Variants in TSPEAR observed in about 807,000 individuals in gnomAD.
TSPEAR encodes the protein thrombospondin type laminin G domain and EAR repeats, also known as thrombospondin-type laminin G domain and EAR repeat-containing protein.
Under a neutral mutation model 71.6 loss-of-function variants are expected in TSPEAR, and 69 were observed. The ratio of observed to expected loss-of-function variants is 0.96; its 90% CI spans 0.79 to 1.18. The LOEUF (loss-of-function observed/expected upper bound fraction) is 1.18, where lower values mean the gene tolerates loss of function less well. TSPEAR is among the 50% of genes most tolerant of loss of function. The pLI is 0.00. For synonymous variants in TSPEAR, 402 were observed against 387.2 expected (o/e 1.04, Z -0.45); for missense variants, 971 against 894.9 (o/e 1.09, Z -1.09).
chr21:44,601,669 T>A, intron 1 of TSPEAR: 12 of 1,613,030 alleles, frequency 7.4e-6, no homozygotes, highest in Non-Finnish European at 1.0e-5. Flanking sequence ...GTCTCTCCTT[T>A]GCCGCCCCGC....
chr21:44,558,046 C>A, intron 2 of TSPEAR: 1 of 1,598,678 alleles, frequency 6.3e-7, no homozygotes, highest in Non-Finnish European at 8.5e-7. Context: ...ACGGGACCTG[C>A]CCGTCAGCAG....
At chr21:44,519,955 C>A (rs2052697926) in intron 9 of TSPEAR, 1 of 152,346 alleles carries the variant, frequency 6.6e-6, no homozygotes, top group Admixed American at 6.5e-5. Context: ...TTACCAAGGC[C>A]AATGGCTGGA....
At chr21:44,607,591 G>A (rs1981395126) in intron 1 of TSPEAR, among the ~76,000 whole-genome samples, 1 of 152,198 alleles carries the variant, frequency 6.6e-6, no homozygotes, top group African/African-American at 2.4e-5. Flanking sequence ...CCACACATAA[G>A]AGAGTAAATT....
chr21:44,580,369 C>T lies in TSPEAR; in HGVS notation c.83-12364G>A, dbSNP rs782204697. ...AGCAAGCCGGCTGGCAGCACGAGGG[C>T]GTGCAGGAGCTGGTGCAGCCTGATT... is the stretch of plus-strand genomic sequence containing the variant. On this transcript the variant is annotated intron_variant, in intron 1 of 11. Transcript: ENST00000323084. The T allele has an allele frequency of 2.5e-5, 40 of 1,613,580 alleles. No homozygotes were observed. The East Asian group carries it at 5.8e-4, about 23-fold the overall frequency.
intron 1 of TSPEAR, chr21:44,591,363 G>T (rs1979810542): frequency 6.3e-7 from 1 of 1,577,128 alleles, no homozygotes; most frequent in Admixed American, 1.7e-5. Context: ...GGTGGGAAGG[G>T]ACTCCGGATC....
chr21:44,591,324 T>C, intron 1 of TSPEAR: 1 of 1,548,184 alleles, frequency 6.5e-7, no homozygotes, highest in South Asian at 1.2e-5. Flanking sequence ...AGGGCAGAGC[T>C]TGCTGGGGCA....
chr21:44,594,811 A>C (rs1354981438), intron 1 of TSPEAR, among the ~76,000 whole-genome samples: 1 of 138,528 alleles, frequency 7.2e-6, no homozygotes, highest in Non-Finnish European at 1.5e-5. Context: ...TTCCAAACTT[A>C]CGGATCTGTG....
chr21:44,615,431 C>T (rs901988604), intron 1 of TSPEAR, among the ~76,000 whole-genome samples: 1 of 152,190 alleles, frequency 6.6e-6, no homozygotes, highest in African/African-American at 2.4e-5. Flanking sequence ...GATCCCACCT[C>T]TCAGCGGATT....
Position 44,509,311 on chromosome 21 carries a change from A to G in TSPEAR, c.1642T>C (p.Tyr548His). 6.2e-7 allele frequency: 1 copy of G among 1,614,078 alleles called. No homozygotes were observed. The highest frequency in any genetic ancestry group is 1.1e-5 in the South Asian group (1 of 91,082). ...TTCTGGACTTGCATCTCCACATCGT[A>G]GCTGTGACTGTTTGCCACAGCGAGG... Reference protein sequence around the residue: ...IFLAVANSHSYDVEMQVQNDS... With the variant: ...IFLAVANSHSHDVEMQVQNDS... The change falls in exon 10 of 12, where the codon TAC (tyrosine) becomes CAC (histidine). Residue 548 changes from tyrosine (Y) to histidine (H), a missense_variant. Coordinates refer to ENST00000323084, the MANE Select transcript of TSPEAR (RefSeq NM_144991.3).
chr21:44,514,998 T>C (rs1366305735), intron 9 of TSPEAR, among the ~76,000 whole-genome samples: 3 of 152,058 alleles, frequency 2.0e-5, no homozygotes, highest in Non-Finnish European at 4.4e-5. Flanking sequence ...GTGAGGTCTG[T>C]GTGCACAGCT....
chr21:44,635,121 G>A (rs1983468938), intron 1 of TSPEAR, among the ~76,000 whole-genome samples: 1 of 152,070 alleles, frequency 6.6e-6, no homozygotes, highest in South Asian at 2.1e-4. Context: ...GAGGCGGGAG[G>A]ATCACTTGAG....
chr21:44,513,725 T>C (rs587654995), intron 9 of TSPEAR, among the ~76,000 whole-genome samples: 5 of 152,200 alleles, frequency 3.3e-5, no homozygotes, highest in South Asian at 2.1e-4. Context: ...CCGGCTTTGA[T>C]AGGGCAAAGA....
At chr21:44,628,317 G>T in intron 1 of TSPEAR, 1 of 381,154 alleles carries the variant, frequency 2.6e-6, no homozygotes. Flanking sequence ...TCCTGACCCG[G>T]GTCTCACCCC....
chr21:44,654,108 G>T (rs757775121), intron 1 of TSPEAR: 5 of 625,518 alleles, frequency 8.0e-6, no homozygotes, highest in Admixed American at 5.6e-5. Context: ...GTAGAAAGGC[G>T]CATGGCCTCA....
At chr21:44,688,057 G>A (rs983700721) in intron 1 of TSPEAR, among the ~76,000 whole-genome samples, 4 of 152,078 alleles carry the variant, frequency 2.6e-5, no homozygotes, top group African/African-American at 9.7e-5. Context: ...GTATGTTTCC[G>A]TTTTTCATAA....
chr21:44,677,520 A>C, intron 1 of TSPEAR: 19 of 821,682 alleles, frequency 2.3e-5, no homozygotes, highest in Non-Finnish European at 6.3e-6. Context: ...GCAAGCTGCA[A>C]TTTCTTCACA....
chr21:44,683,032 T>C (rs1279024947), intron 1 of TSPEAR, among the ~76,000 whole-genome samples: 1 of 151,102 alleles, frequency 6.6e-6, no homozygotes, highest in African/African-American at 2.4e-5. Flanking sequence ...CCCCCTCCAG[T>C]CCCCACGTCG....
Position 44,594,061 on chromosome 21 carries a change from T to C in TSPEAR, c.83-26056A>G, listed in dbSNP as rs141710568. ...AGGTTTAGGGCCTCATTGCGACCCA[T>C]TGACATGATAAGACTCCACCCTGTA... On this transcript the variant is annotated intron_variant, in intron 1 of 11. Transcript: ENST00000323084. Among the ~76,000 whole-genome samples the C allele has an allele frequency of 2.0e-4, 31 of 152,252 alleles. 2 individuals carry two copies. The East Asian group carries it at 4.2e-3, about 21-fold the overall frequency.
At chr21:44,554,643 G>T (rs782688577) in intron 2 of TSPEAR, among the ~76,000 whole-genome samples, 1 of 152,238 alleles carries the variant, frequency 6.6e-6, no homozygotes, top group Non-Finnish European at 1.5e-5. Context: ...GCATGCTAGT[G>T]TGAGAGGCCG....
Sources: gnomAD v4.1 joint callset for allele counts (sites outside exome capture counted in the v4.1 genomes callset) on GRCh38, gnomAD v4.1.1 for gene constraint, MANE v1.5 for transcripts, NCBI Gene and HGNC (gene_info 2026-07-23, HGNC 2026-07-21) for gene names.